The following LPP variants were observed in gnomAD, a reference collection of about 807,000 sequenced individuals.
LPP encodes LIM domain containing preferred translocation partner in lipoma.
A neutral mutation model predicts 60.4 loss-of-function variants in LPP; 38 were observed. That is an observed-to-expected ratio of 0.63 (90% CI 0.49 to 0.83). The LOEUF is 0.83. LPP is among the 40% of genes least tolerant of loss of function. The pLI is 0.00. For synonymous variants in LPP, 328 were observed against 290.8 expected (o/e 1.13, Z -1.30); for missense variants, 902 against 783.6 (o/e 1.15, Z -1.80).
intron 1 of LPP, among the ~76,000 whole-genome samples, chr3:188,186,524 T>G (rs891011031): frequency 6.6e-6 from 1 of 152,210 alleles, no homozygotes; most frequent in Admixed American, 6.5e-5. Context: ...ACATTTGACT[T>G]TTGTGACCTC....
intron 9 of LPP, among the ~76,000 whole-genome samples, chr3:188,822,246 T>C (rs13079477): frequency 0.12 from 18,307 of 151,890 alleles, 1,573 homozygotes; most frequent in Non-Finnish European, 0.18. Flanking sequence ...TGAAGCAACA[T>C]TGGAGGGTGT....
At chr3:188,806,509 T>C (rs1749189481) in intron 9 of LPP, among the ~76,000 whole-genome samples, 1 of 151,948 alleles carries the variant, frequency 6.6e-6, no homozygotes, top group Non-Finnish European at 1.5e-5. Flanking sequence ...TGACCATCTG[T>C]ATTTTAATTT....
chr3:188,260,196 C>A (rs568514946), intron 2 of LPP, among the ~76,000 whole-genome samples: 53 of 152,158 alleles, frequency 3.5e-4, no homozygotes, highest in African/African-American at 1.3e-3. Flanking sequence ...TGCACCACCA[C>A]CAAGTCCGGC....
intron 1 of LPP, among the ~76,000 whole-genome samples, chr3:188,166,475 T>C (rs1719991210): frequency 1.3e-5 from 2 of 152,342 alleles, no homozygotes; most frequent in East Asian, 1.9e-4. Flanking sequence ...ATAATACTTA[T>C]CTTGCTGTTG....
chr3:188,641,853 C>G, intron 7 of LPP, among the ~76,000 whole-genome samples: 1 of 152,336 alleles, frequency 6.6e-6, no homozygotes, highest in South Asian at 2.1e-4. Context: ...GACATTCATC[C>G]TGTTCTGATA....
chr3:188,428,598 T>TATA (rs200366995), intron 4 of LPP, among the ~76,000 whole-genome samples: 118 of 87,060 alleles, frequency 1.4e-3, no homozygotes, highest in African/African-American at 4.7e-3. Context: ...ATATATATAT[T>TATA]TTTTTTTTTT....
intron 7 of LPP, among the ~76,000 whole-genome samples, chr3:188,625,926 A>C (rs1846748677): frequency 1.3e-5 from 2 of 152,294 alleles, no homozygotes; most frequent in South Asian, 4.1e-4. Context: ...ATTTGTAAAA[A>C]TGTATGTGCA....
In LPP at chr3:188,313,641, A is replaced by G. The variant is rs1239689929; in HGVS notation, c.-66-28022A>G. ...GACAGAGTGAGACTCCGTCTCAAAA[A>G]AAAAAAAAAATAAAATAAAATAATG... On this transcript the variant is annotated intron_variant, in intron 2 of 11. Transcript: ENST00000617246. 1.2e-4 allele frequency among the ~76,000 whole-genome samples: 18 copies of G among 151,872 alleles called. No individual in the cohort carries two copies. In the East Asian group the frequency reaches 3.5e-3, roughly 29 times the overall value.
chr3:188,783,835 C>T (rs1740635612), intron 9 of LPP, among the ~76,000 whole-genome samples: 1 of 147,094 alleles, frequency 6.8e-6, no homozygotes, highest in African/African-American at 2.5e-5. Flanking sequence ...TTGCCAAAAC[C>T]GTGAGTCTAA....
At chr3:188,766,362 T>G (rs1216474826) in intron 9 of LPP, among the ~76,000 whole-genome samples, 4 of 76,610 alleles carry the variant, frequency 5.2e-5, no homozygotes, top group Non-Finnish European at 1.3e-4. Flanking sequence ...TCTTGAGCAT[T>G]TGAGGCCTTA....
chr3:188,325,366 C>T (rs971511520), intron 2 of LPP, among the ~76,000 whole-genome samples: 11 of 152,146 alleles, frequency 7.2e-5, no homozygotes, highest in Admixed American at 7.2e-4. Flanking sequence ...ATAAGCCAAG[C>T]TTTTTCCCAC....
rs189172013 is a variant in LPP at position 188,333,898 on chromosome 3, C to A, written c.-66-7765C>A. The stretch of plus-strand genomic sequence containing the variant: ...TTTGGAACATTCAAAAGCCACTCTT[C>A]TAGCTACTTGAAAATATACAATAAA... On this transcript the variant is annotated intron_variant, in intron 2 of 11. Coordinates refer to ENST00000617246, the MANE Select transcript of LPP (RefSeq NM_001375462.1). Among the ~76,000 whole-genome samples the A allele has an allele frequency of 2.4e-3, 369 of 152,276 alleles. 2 individuals are homozygous for A. Among genetic ancestry groups the A allele is most frequent in the Non-Finnish European group, 4.3e-3 (292 of 68,014 alleles).
intron 6 of LPP, among the ~76,000 whole-genome samples, chr3:188,532,752 A>G (rs549750878): frequency 6.6e-6 from 1 of 152,264 alleles, no homozygotes; most frequent in South Asian, 2.1e-4. Flanking sequence ...ATAGAATAGT[A>G]TTCTCAAGCT....
Position 188,353,473 on chromosome 3 carries a change from A to T in LPP, c.-10+11754A>T, listed in dbSNP as rs28719523. ...TAAACCCAATACACTGTCTATTATT[A>T]TCCTTATTTTACAATGAAGAAAAAA... is the stretch of plus-strand genomic sequence containing the variant. On this transcript the variant is annotated intron_variant, in intron 3 of 11. Coordinates refer to ENST00000617246, the MANE Select transcript of LPP (RefSeq NM_001375462.1). 4.4e-3 allele frequency among the ~76,000 whole-genome samples: 671 copies of T among 152,344 alleles called. 6 individuals are homozygous for T. The highest frequency in any genetic ancestry group is 6.5e-3 in the Non-Finnish European group (442 of 68,022).
intron 2 of LPP, among the ~76,000 whole-genome samples, chr3:188,250,304 TTTC>T (rs1174752012): frequency 6.6e-6 from 1 of 152,178 alleles, no homozygotes; most frequent in African/African-American, 2.4e-5. Context: ...TAGTCACTGG[TTTC>T]TTCATGTTTT....
chr3:188,277,123 C>T (rs574303331), intron 2 of LPP, among the ~76,000 whole-genome samples: 3 of 151,970 alleles, frequency 2.0e-5, no homozygotes, highest in South Asian at 2.1e-4. Context: ...AGGCTGGTCT[C>T]GAACTCCTGA....
intron 9 of LPP, among the ~76,000 whole-genome samples, chr3:188,770,479 C>T (rs962005970): frequency 6.6e-6 from 1 of 151,800 alleles, no homozygotes; most frequent in Non-Finnish European, 1.5e-5. Flanking sequence ...GGGTGAGCCA[C>T]TGCACTGGCC....
chr3:188,797,807 A>AG (rs1262518816), intron 9 of LPP, among the ~76,000 whole-genome samples: 1 of 152,182 alleles, frequency 6.6e-6, no homozygotes, highest in East Asian at 1.9e-4. Flanking sequence ...ATTCCTTACA[A>AG]GAGAAGCTTT....
chr3:188,702,214 C>T (rs1018574224), intron 7 of LPP, among the ~76,000 whole-genome samples: 19 of 152,048 alleles, frequency 1.2e-4, no homozygotes, highest in Non-Finnish European at 2.8e-4. Context: ...CCTCAGCCTC[C>T]CAAAGTGCTG....
Sources: allele counts gnomAD v4.1 joint callset (sites outside exome capture counted in the v4.1 genomes callset), GRCh38; gene constraint gnomAD v4.1.1; transcripts MANE v1.5; gene names NCBI Gene and HGNC (gene_info 2026-07-23, HGNC 2026-07-21).